Variants in RUSC2 observed in about 807,000 individuals in gnomAD.
The protein encoded by RUSC2 is AP-4 complex accessory subunit RUSC2.
RUSC2 carries 34 observed loss-of-function variants against 122.2 expected under a neutral mutation model. The ratio of observed to expected loss-of-function variants is 0.28; its 90% CI spans 0.21 to 0.37. The LOEUF is 0.37. RUSC2 is among the 10% of genes least tolerant of loss of function. The pLI is 1.00. For synonymous variants in RUSC2, 784 were observed against 790.0 expected, an observed-to-expected ratio of 0.99 and a Z score of 0.13; for missense variants, 1,747 against 1,952.4, an observed-to-expected ratio of 0.89 and a Z score of 1.98.
Position 35,555,228 on chromosome 9 carries a change from C to T in RUSC2, c.2183C>T (p.Thr728Ile). 2 of 1,613,156 alleles carry T rather than the reference C, an allele frequency of 1.2e-6. No individual in the cohort carries two copies. Among genetic ancestry groups the T allele is most frequent in the Non-Finnish European group, 1.7e-6 (2 of 1,180,014 alleles). ...QLYSLSGCSR[T>I]QQPAPLAAPA... is the part of the protein sequence containing the mutation. Reference sequence around the variant, plus strand: ...TACAGCCTCTCAGGCTGCAGCCGTACACAGCAGCCTGCCCCACTGGCTGCC... The same window carrying T: ...TACAGCCTCTCAGGCTGCAGCCGTATACAGCAGCCTGCCCCACTGGCTGCC... The change falls in exon 3 of 12, where the codon ACA becomes ATA. Residue 728 changes from threonine (T) to isoleucine (I), a missense_variant. Physicochemically the swap from Thr to Ile is moderately conservative, Grantham distance 89 (BLOSUM62 -1). Transcript: ENST00000361226. This position sits in a 1 kb window ranked among gnomAD's most constrained non-coding sequence, Gnocchi z 4.6.
chr9:35,552,344 AAGTG>A, intron 2 of RUSC2, among the ~76,000 whole-genome samples: 1 of 152,178 alleles, frequency 6.6e-6, no homozygotes, highest in Non-Finnish European at 1.5e-5. Context: ...ATGGGTGACA[AAGTG>A]AGACTCTGTC....
chr9:35,549,998 G>A (rs1468670287), intron 2 of RUSC2, among the ~76,000 whole-genome samples: 2 of 152,080 alleles, frequency 1.3e-5, no homozygotes, highest in African/African-American at 4.8e-5. Flanking sequence ...GATCACCTCA[G>A]GTCAGGTTTT....
chr9:35,511,680 A>G (rs1354918183), intron 1 of RUSC2, among the ~76,000 whole-genome samples: 1 of 152,238 alleles, frequency 6.6e-6, no homozygotes, highest in African/African-American at 2.4e-5. Flanking sequence ...GGCTAGGTTC[A>G]GTGACTACAA....
chr9:35,555,952 C>A lies in RUSC2; in HGVS notation c.2657C>A (p.Ala886Asp), dbSNP rs1291211105. Residue 886 changes from alanine (A) to aspartate (D), a missense_variant and splice_region_variant, in exon 4 of 12, where the codon GCC (alanine) becomes GAC (aspartate). Ala to Asp is a moderately radical substitution (Grantham distance 126). Coordinates refer to ENST00000361226, the MANE Select transcript of RUSC2 (RefSeq NM_014806.5). This position sits in a 1 kb window ranked among gnomAD's most constrained non-coding sequence, Gnocchi z 4.6. ...EGSMATRPSN[A>D]NHLSPQALKW... is the part of the protein sequence containing the mutation. ...TTCTGCTAATCTGTTCTGCTTCCAG[C>A]CAACCACCTATCCCCTCAAGCCCTC... is the stretch of plus-strand genomic sequence containing the variant. 5 of 1,613,586 alleles carry A rather than the reference C, an allele frequency of 3.1e-6. No individual in the cohort carries two copies. Among genetic ancestry groups the A allele is most frequent in the Non-Finnish European group, 4.2e-6 (5 of 1,179,660 alleles).
At chr9:35,529,534 T>C (rs1821381834) in intron 1 of RUSC2, among the ~76,000 whole-genome samples, 1 of 150,246 alleles carries the variant, frequency 6.7e-6, no homozygotes, top group Non-Finnish European at 1.5e-5. Flanking sequence ...ATACTAGATG[T>C]GACAGTCAGT....
At position 35,560,249 on chromosome 9, in the gene RUSC2, C is replaced by G. The variant is rs1822117895; in HGVS notation, c.3609C>G (p.His1203Gln). Residue 1203 changes from histidine to glutamine, a missense_variant, in exon 10 of 12, where the codon CAC becomes CAG. Physicochemically the swap from His to Gln is conservative, Grantham distance 24 (BLOSUM62 0). Transcript: ENST00000361226. ...RVSQDLLLSAHSTLQLARARG... is the reference protein window; with the variant it reads ...RVSQDLLLSAQSTLQLARARG... ...CCCAGGACCTGCTGCTGTCTGCCCA[C>G]TCCACGCTGCAGCTGGCCCGGGCCC... 1 of 1,596,428 alleles carries G rather than the reference C, an allele frequency of 6.3e-7. No individual in the cohort carries two copies. The highest frequency in any genetic ancestry group is 8.5e-7 in the Non-Finnish European group (1 of 1,172,622).
At chr9:35,535,733 A>T (rs7034638) in intron 1 of RUSC2, among the ~76,000 whole-genome samples, 2 of 151,336 alleles carry the variant, frequency 1.3e-5, no homozygotes, top group Admixed American at 1.3e-4. Flanking sequence ...GTAGAGACGG[A>T]GTTTCACTGT....
rs772597217 is a variant in RUSC2, at chr9:35,548,297, C to G, written c.1776C>G (p.Cys592Trp). 7 of 1,614,048 alleles carry G rather than the reference C, an allele frequency of 4.3e-6. No individual in the cohort carries two copies. The South Asian group carries it at 7.7e-5, about 18-fold the overall frequency. Reference sequence around the variant, plus strand: ...GGGCCCCACTGGATGAGGGCACTTGCTGTAGCCATAGCCTGCCACCCATGC... The same window carrying G: ...GGGCCCCACTGGATGAGGGCACTTGGTGTAGCCATAGCCTGCCACCCATGC... ...DRGAPLDEGT[C>W]CSHSLPPMPL... is the part of the protein sequence containing the mutation. The change falls in exon 2 of 12, where the codon TGC becomes TGG. Residue 592 changes from cysteine (C) to tryptophan (W), a missense_variant. Physicochemically the swap from Cys to Trp is radical, Grantham distance 215. Coordinates refer to ENST00000361226, the MANE Select transcript of RUSC2 (RefSeq NM_014806.5). This position sits in a 1 kb window ranked among gnomAD's most constrained non-coding sequence, Gnocchi z 4.5.
rs749394429 is a variant in RUSC2, at chr9:35,547,176, G to A, written c.655G>A (p.Asp219Asn). 17 of 1,614,000 alleles carry A rather than the reference G, an allele frequency of 1.1e-5. No homozygotes were observed. The highest frequency in any genetic ancestry group is 4.5e-5 in the East Asian group (2 of 44,894). Reference protein sequence around the residue: ...GGSGSGGGASDTSGFSFDQEW... With the variant: ...GGSGSGGGASNTSGFSFDQEW... The stretch of plus-strand genomic sequence containing the variant: ...GAGTGGCAGTGGGGGTGGAGCCAGC[G>A]ATACCTCTGGCTTTTCCTTTGACCA... Residue 219 changes from aspartate to asparagine, a missense_variant, in exon 2 of 12, where the codon GAT (aspartate) becomes AAT (asparagine). By Grantham distance (23) the Asp-to-Asn change is conservative. Coordinates refer to ENST00000361226, the MANE Select transcript of RUSC2 (RefSeq NM_014806.5). The surrounding 1 kb of genome is among the most constrained non-coding windows in gnomAD (Gnocchi z 4.6).
At chr9:35,503,451 A>G (rs980880217) in intron 1 of RUSC2, among the ~76,000 whole-genome samples, 7 of 152,076 alleles carry the variant, frequency 4.6e-5, no homozygotes, top group South Asian at 2.1e-4. Context: ...ATTCCATTTT[A>G]TGGCTGAGTA....
chr9:35,525,810 T>C (rs1470859942), intron 1 of RUSC2, among the ~76,000 whole-genome samples: 1 of 151,896 alleles, frequency 6.6e-6, no homozygotes, highest in Non-Finnish European at 1.5e-5. Context: ...TTAGGCCAGG[T>C]GTGGTGGCTT....
At chr9:35,508,806 C>T (rs1820962424) in intron 1 of RUSC2, among the ~76,000 whole-genome samples, 1 of 152,158 alleles carries the variant, frequency 6.6e-6, no homozygotes, top group Non-Finnish European at 1.5e-5. Flanking sequence ...CATTTAACCT[C>T]TTTTCTTAAT....
chr9:35,513,305 C>T lies in RUSC2; in HGVS notation c.-93+23133C>T, dbSNP rs1308812847. Among the ~76,000 whole-genome samples, 4 of 152,034 alleles carry T rather than the reference C, an allele frequency of 2.6e-5. No individual in the cohort carries two copies. In the South Asian group the frequency reaches 6.2e-4, roughly 24 times the overall value. Reference sequence around the variant, plus strand: ...TTTTCCAGGCTGGAGTACAATGGTACGATCTCGGCTCACTGCAACCTCCGC... The same window carrying T: ...TTTTCCAGGCTGGAGTACAATGGTATGATCTCGGCTCACTGCAACCTCCGC... On this transcript the variant is annotated intron_variant, in intron 1 of 11. Transcript: ENST00000361226.
chr9:35,494,754 TAA>T (rs1820642768), intron 1 of RUSC2, among the ~76,000 whole-genome samples: 2 of 151,442 alleles, frequency 1.3e-5, no homozygotes, highest in South Asian at 4.2e-4. Context: ...TTCACTCTGT[TAA>T]AAGTGTCCTT....
chr9:35,500,042 C>G (rs950186436), intron 1 of RUSC2, among the ~76,000 whole-genome samples: 37 of 152,242 alleles, frequency 2.4e-4, no homozygotes, highest in Non-Finnish European at 4.0e-4. Flanking sequence ...CCAAACAGAA[C>G]AGCTTATTTT....
chr9:35,491,578 A>C (rs980667996), intron 1 of RUSC2, among the ~76,000 whole-genome samples: 3 of 152,182 alleles, frequency 2.0e-5, no homozygotes, highest in African/African-American at 7.2e-5. Flanking sequence ...GAGGCTGGAC[A>C]TGTTCTCATT....
intron 1 of RUSC2, among the ~76,000 whole-genome samples, chr9:35,518,131 A>G (rs1821144334): frequency 6.6e-6 from 1 of 152,216 alleles, no homozygotes; most frequent in African/African-American, 2.4e-5. Flanking sequence ...CTAAGGCTGC[A>G]CTGTTGTTCT....
intron 1 of RUSC2, among the ~76,000 whole-genome samples, chr9:35,505,221 G>A (rs1417809279): frequency 6.6e-6 from 1 of 152,060 alleles, no homozygotes; most frequent in Non-Finnish European, 1.5e-5. Flanking sequence ...ATATCTATAT[G>A]GTTAAGTCTT....
chr9:35,519,948 A>C (rs544344882), intron 1 of RUSC2, among the ~76,000 whole-genome samples: 1 of 152,112 alleles, frequency 6.6e-6, no homozygotes, highest in African/African-American at 2.4e-5. Flanking sequence ...CTTAACACCA[A>C]AATCCATGTT....
Sources: gnomAD v4.1 joint callset for allele counts (sites outside exome capture counted in the v4.1 genomes callset) on GRCh38, gnomAD v4.1.1 for gene constraint, Gnocchi (gnomAD v3.1) non-coding constraint, MANE v1.5 for transcripts, NCBI Gene and HGNC (gene_info 2026-07-23, HGNC 2026-07-21) for gene names.